Variants in MFF observed in about 807,000 individuals in gnomAD.
The protein encoded by MFF is mitochondrial fission factor, also known as chromosome 2 open reading frame 33.
Under a neutral mutation model 36.9 loss-of-function variants are expected in MFF, and 12 were observed. The ratio of observed to expected loss-of-function variants is 0.33; its 90% CI spans 0.21 to 0.53. The LOEUF (loss-of-function observed/expected upper bound fraction) is 0.53, where lower values mean the gene tolerates loss of function less well. Ranked by LOEUF, MFF falls within the 20% of genes least tolerant of loss-of-function variation. The probability of loss-of-function intolerance (pLI) is 0.95; values close to 1 mark genes in which losing one functional copy is unlikely to be tolerated. For missense variants in MFF, 348 were observed against 366.6 expected, an observed-to-expected ratio of 0.95 and a Z score of 0.42; for synonymous variants, 99 against 126.2, an observed-to-expected ratio of 0.78 and a Z score of 1.44.
chr2:227,348,366 TATC>T (rs2075819794), intron 6 of MFF, among the ~76,000 whole-genome samples: 1 of 152,144 alleles, frequency 6.6e-6, no homozygotes, highest in African/African-American at 2.4e-5. Flanking sequence ...CCATGCTACT[TATC>T]ATTGTTGAAT....
chr2:227,332,329 A>G (rs1412297033), intron 3 of MFF, 90 bp from the exon 4 acceptor site: 77 of 972,184 alleles, frequency 7.9e-5, no homozygotes, highest in Non-Finnish European at 1.2e-4. Context: ...CAAAAGCAGA[A>G]GAAGGTAAAT....
chr2:227,332,516 A>G lies in MFF; in HGVS notation c.279A>G (p.Val93=), dbSNP rs2074676306. 6.2e-7 allele frequency: 1 copy of G among 1,613,598 alleles called. No homozygotes were observed. Residue 93 remains valine (V), a synonymous_variant, in exon 4 of 9, where the codon GTA becomes GTG. Transcript: ENST00000304593. ...TGGCACTGAAAACACCACCTCGTGT[A>G]CTTACGCTGAGTGAAAGACCACTAG... is the stretch of plus-strand genomic sequence containing the variant. ...KPLALKTPPR[V]LTLSERPLDF...
At chr2:227,342,820 G>GT (rs1559970626) in intron 5 of MFF, 1 of 1,612,474 alleles carries the variant, frequency 6.2e-7, no homozygotes, top group East Asian at 2.2e-5. Flanking sequence ...CGGAGTACAC[G>GT]TAAGATTTTA....
chr2:227,341,900 C>T (rs933812889), intron 5 of MFF, among the ~76,000 whole-genome samples: 15 of 151,878 alleles, frequency 9.9e-5, no homozygotes, highest in Non-Finnish European at 2.1e-4. Context: ...TATTTTTTCT[C>T]CCGAAGTATA....
chr2:227,330,990 T>C, intron 3 of MFF, 144 bp downstream of exon 3: 3 of 662,418 alleles, frequency 4.5e-6, no homozygotes, highest in South Asian at 2.0e-5. Flanking sequence ...TTCATTATTA[T>C]AGTCTGAATT....
chr2:227,339,260 T>A (rs554444343), intron 4 of MFF, among the ~76,000 whole-genome samples: 1 of 152,172 alleles, frequency 6.6e-6, no homozygotes, highest in Middle Eastern at 3.2e-3. Context: ...ATCACTGTTC[T>A]AGTTATCCAT....
At chr2:227,336,819 G>A (rs1207530605) in intron 4 of MFF, among the ~76,000 whole-genome samples, 1 of 152,228 alleles carries the variant, frequency 6.6e-6, no homozygotes, top group Admixed American at 6.5e-5. Flanking sequence ...GTAGCAGATG[G>A]TTATTGGTGC....
At chr2:227,337,275 G>C (rs767891393) in intron 4 of MFF, among the ~76,000 whole-genome samples, 1 of 152,248 alleles carries the variant, frequency 6.6e-6, no homozygotes. Flanking sequence ...TGGCTTAACT[G>C]TTCTCCCCAT....
chr2:227,344,822 A>T (rs1041827731), intron 5 of MFF, among the ~76,000 whole-genome samples: 1 of 152,108 alleles, frequency 6.6e-6, no homozygotes, highest in African/African-American at 2.4e-5. Flanking sequence ...TTGAAATGTT[A>T]ATTTCTTTTG....
chr2:227,351,439 TACAGAAAAAATTAGTGCATTTGGTATTAA>T (rs1249481041), intron 6 of MFF, among the ~76,000 whole-genome samples: 5 of 152,150 alleles, frequency 3.3e-5, no homozygotes, highest in Non-Finnish European at 7.3e-5. Flanking sequence ...TGTGCCAACT[TACAGAAAAAATTAGTGCATTTGGTATTAA>T]ACATTTACCA....
chr2:227,343,086 C>T (rs1447026511), intron 5 of MFF, among the ~76,000 whole-genome samples: 1 of 151,704 alleles, frequency 6.6e-6, no homozygotes, highest in Non-Finnish European at 1.5e-5. Flanking sequence ...ACATAAGGAC[C>T]AAGCATCCTT....
chr2:227,344,682 A>T lies in MFF; in HGVS notation c.441-2544A>T, dbSNP rs116687282. Among the ~76,000 whole-genome samples the T allele has an allele frequency of 6.5e-3, 986 of 152,288 alleles. 11 individuals are homozygous for T. The highest frequency in any genetic ancestry group is 0.023 in the African/African-American group (945 of 41,548). On this transcript the variant is annotated intron_variant, in intron 5 of 8. Transcript: ENST00000304593. ...GGATGGAATTAAATGTTACCAAACA[A>T]GGACATTTAATCTATACAACACTGG...
intron 5 of MFF, among the ~76,000 whole-genome samples, chr2:227,340,787 G>C (rs2075346116): frequency 6.6e-6 from 1 of 151,998 alleles, no homozygotes; most frequent in Admixed American, 6.6e-5. Context: ...TTGTTTAAAA[G>C]ACTATTTGTT....
At chr2:227,341,047 T>C (rs1453244781) in intron 5 of MFF, among the ~76,000 whole-genome samples, 1 of 152,158 alleles carries the variant, frequency 6.6e-6, no homozygotes, top group Admixed American at 6.5e-5. Flanking sequence ...CCACATGTGA[T>C]GGCAAGTATC....
intron 8 of MFF, among the ~76,000 whole-genome samples, chr2:227,356,376 G>C (rs2076258267): frequency 1.3e-5 from 2 of 152,076 alleles, no homozygotes; most frequent in South Asian, 4.1e-4. Flanking sequence ...TTCAGCCCTG[G>C]GATTTTCACA....
At chr2:227,327,803 T>A (rs1219333999) in intron 1 of MFF, among the ~76,000 whole-genome samples, 1 of 152,234 alleles carries the variant, frequency 6.6e-6, no homozygotes, top group African/African-American at 2.4e-5. Context: ...AAACTTCAAT[T>A]TATAATGGCC....
intron 7 of MFF, among the ~76,000 whole-genome samples, chr2:227,353,621 G>C (rs759748485): frequency 1.3e-5 from 2 of 152,094 alleles, no homozygotes; most frequent in Non-Finnish European, 2.9e-5. Context: ...TCAGCCAGTG[G>C]TCTAACTTAG....
At chr2:227,354,247 TAAAAC>T (rs1225266547) in intron 7 of MFF, among the ~76,000 whole-genome samples, 2 of 152,328 alleles carry the variant, frequency 1.3e-5, no homozygotes, top group Non-Finnish European at 2.9e-5. Flanking sequence ...TAACAATATT[TAAAAC>T]AAAAGGATTT....
At chr2:227,338,848 A>AC (rs1357046067) in intron 4 of MFF, among the ~76,000 whole-genome samples, 5 of 151,504 alleles carry the variant, frequency 3.3e-5, no homozygotes, top group Non-Finnish European at 5.9e-5. Flanking sequence ...AAAAAACAAA[A>AC]AAAAAAACCA....
Sources: gnomAD v4.1 joint callset for allele counts (sites outside exome capture counted in the v4.1 genomes callset) on GRCh38, gnomAD v4.1.1 for gene constraint, MANE v1.5 for transcripts, NCBI Gene and HGNC (gene_info 2026-07-23, HGNC 2026-07-21) for gene names.